RBFOX1: variants seen among roughly 807,000 people sequenced by gnomAD.
RBFOX1 encodes RNA binding protein fox-1 homolog 1.
A neutral mutation model predicts 57.7 loss-of-function variants in RBFOX1; 8 were observed. The observed-to-expected ratio is 0.14, with a 90% CI of 0.08 to 0.25. RBFOX1 has a LOEUF of 0.25. RBFOX1 is among the 10% of genes least tolerant of loss of function. The pLI is 1.00. For missense variants in RBFOX1, 611 were observed against 548.5 expected (o/e 1.11, Z -1.14); for synonymous variants, 326 against 222.4 (o/e 1.47, Z -4.15).
intron 3 of RBFOX1, among the ~76,000 whole-genome samples, chr16:6,850,432 G>A (rs1303916781): frequency 1.3e-5 from 2 of 152,086 alleles, no homozygotes; most frequent in African/African-American, 2.4e-5. Context: ...AAGCTGAGGG[G>A]TAAAGGATGA....
chr16:5,943,715 A>G (rs1276233628), intron 4 of RBFOX1, among the ~76,000 whole-genome samples: 1 of 152,228 alleles, frequency 6.6e-6, no homozygotes, highest in Non-Finnish European at 1.5e-5. Context: ...GGCTGAATGT[A>G]TCAACAGTTT....
In RBFOX1 at chr16:7,671,155, A is replaced by G. The variant is rs116770441; in HGVS notation, c.931-5619A>G. On this transcript the variant is annotated intron_variant, in intron 13 of 15. Coordinates refer to ENST00000550418, the MANE Select transcript of RBFOX1 (RefSeq NM_018723.4). The stretch of plus-strand genomic sequence containing the variant: ...CTGTGCTGTTTTCTTAACTACTTCA[A>G]TAATAAGGCATTCATCTTAAATCCT... Among the ~76,000 whole-genome samples the G allele has an allele frequency of 4.6e-3, 700 of 152,344 alleles. 4 individuals carry two copies. Among genetic ancestry groups the G allele is most frequent in the African/African-American group, 0.016 (682 of 41,584 alleles).
rs1192704391 is a variant in RBFOX1 at position 5,956,793 on chromosome 16, C to G, written c.351+89458C>G. On this transcript the variant is annotated intron_variant, in intron 4 of 19. Coordinates refer to the RBFOX1 transcript ENST00000641259. ...CAGATGATCTTTCCACCTCAACTTC[C>G]TGTGTATATGGGATTACAAGCATGC... is the stretch of plus-strand genomic sequence containing the variant. Among the ~76,000 whole-genome samples the G allele has an allele frequency of 2.0e-5, 3 of 150,242 alleles. 1 individual carries two copies. The highest frequency in any genetic ancestry group is 4.4e-5 in the Non-Finnish European group (3 of 67,600).
chr16:7,010,411 A>G (rs533768270), intron 3 of RBFOX1, among the ~76,000 whole-genome samples: 1 of 152,206 alleles, frequency 6.6e-6, no homozygotes, highest in East Asian at 1.9e-4. Flanking sequence ...TGATTATTAT[A>G]TGCATTGGCC....
chr16:7,128,503 AT>A (rs1171842927), intron 4 of RBFOX1, among the ~76,000 whole-genome samples: 1 of 152,194 alleles, frequency 6.6e-6, no homozygotes, highest in African/African-American at 2.4e-5. Context: ...TGTCTCTGAT[AT>A]CCCCAGCAAG....
chr16:7,040,987 C>T (rs1047882512), intron 3 of RBFOX1, among the ~76,000 whole-genome samples: 2 of 151,210 alleles, frequency 1.3e-5, no homozygotes, highest in African/African-American at 2.4e-5. Flanking sequence ...GCAATCTCTG[C>T]TCATTGCAAC....
chr16:6,617,599 G>A (rs1489651591), intron 2 of RBFOX1, among the ~76,000 whole-genome samples: 1 of 152,080 alleles, frequency 6.6e-6, no homozygotes, highest in African/African-American at 2.4e-5. Context: ...ACATGTGGGG[G>A]TTCCAAAGAT....
intron 3 of RBFOX1, among the ~76,000 whole-genome samples, chr16:6,949,263 C>G (rs935871471): frequency 6.6e-6 from 1 of 152,094 alleles, no homozygotes; most frequent in Non-Finnish European, 1.5e-5. Flanking sequence ...GAAACAGGCT[C>G]AATTTCACAA....
chr16:7,685,366 C>G (rs554607926), intron 14 of RBFOX1, among the ~76,000 whole-genome samples: 2 of 152,240 alleles, frequency 1.3e-5, no homozygotes, highest in African/African-American at 4.8e-5. Context: ...TCTCCTGGCC[C>G]AGGGCCACAA....
chr16:7,701,348 C>G (rs544357237), intron 14 of RBFOX1, among the ~76,000 whole-genome samples: 9 of 152,304 alleles, frequency 5.9e-5, no homozygotes, highest in African/African-American at 1.7e-4. Context: ...GCCGCCCCCT[C>G]TCACTCACAT....
rs112560184 is a variant in RBFOX1, at chr16:6,424,997, T to C, written c.-64+107940T>C. On this transcript the variant is annotated intron_variant, in intron 2 of 15. Coordinates refer to ENST00000550418, the MANE Select transcript of RBFOX1 (RefSeq NM_018723.4). ...AGGAAAAAATACTCTACAATATTAT[T>C]ATTACTTGGATATTGAAGATGTGGA... is the stretch of plus-strand genomic sequence containing the variant. Among the ~76,000 whole-genome samples the C allele has an allele frequency of 1.1e-3, 169 of 152,356 alleles. 1 individual carries two copies. Among genetic ancestry groups the C allele is most frequent in the African/African-American group, 3.8e-3 (160 of 41,588 alleles).
chr16:5,371,380 C>A (rs943796521), intron 1 of RBFOX1, among the ~76,000 whole-genome samples: 1 of 152,190 alleles, frequency 6.6e-6, no homozygotes, highest in Non-Finnish European at 1.5e-5. Context: ...CCGGAGAAGA[C>A]CCTGGGAGGA....
chr16:5,624,987 C>T (rs1255960736), intron 3 of RBFOX1, among the ~76,000 whole-genome samples: 1 of 152,198 alleles, frequency 6.6e-6, no homozygotes, highest in Non-Finnish European at 1.5e-5. Flanking sequence ...TTGAGGGTGA[C>T]TCTCGGGCCA....
chr16:5,881,278 A>C lies in RBFOX1; in HGVS notation c.351+13943A>C, dbSNP rs13330400. ...CTCAAATTATGTTTGATTTTGTTGC[A>C]TGTATTCACTTGGTCTCTACCACCT... On this transcript the variant is annotated intron_variant, in intron 4 of 19. Transcript: ENST00000641259. Among the ~76,000 whole-genome samples, 701 of 152,292 alleles carry C rather than the reference A, an allele frequency of 4.6e-3. 6 individuals are homozygous for C. The highest frequency in any genetic ancestry group is 0.017 in the African/African-American group (686 of 41,564).
chr16:7,647,001 C>A (rs1451799371), intron 11 of RBFOX1, among the ~76,000 whole-genome samples: 3 of 152,124 alleles, frequency 2.0e-5, no homozygotes, highest in East Asian at 3.9e-4. Context: ...TAGTAAATGG[C>A]CCATTTGGCT....
chr16:7,033,442 C>T (rs11648897), intron 3 of RBFOX1, among the ~76,000 whole-genome samples: 8,106 of 152,178 alleles, frequency 0.053, 382 homozygotes, highest in East Asian at 0.2. Flanking sequence ...TTCGCTTGAT[C>T]CCGGGAGGCG....
chr16:5,346,351 A>G (rs1264447462), intron 1 of RBFOX1, among the ~76,000 whole-genome samples: 6 of 152,186 alleles, frequency 3.9e-5, no homozygotes, highest in South Asian at 4.1e-4. Context: ...TTAAATCATC[A>G]TCGTCATTAC....
chr16:7,021,700 T>C (rs1488549962), intron 3 of RBFOX1, among the ~76,000 whole-genome samples: 1 of 150,282 alleles, frequency 6.7e-6, no homozygotes, highest in Non-Finnish European at 1.5e-5. Flanking sequence ...GTGTCCATCA[T>C]AGTATTTACC....
At chr16:7,705,908 G>C (rs148350595) in intron 14 of RBFOX1, among the ~76,000 whole-genome samples, 1 of 152,194 alleles carries the variant, frequency 6.6e-6, no homozygotes, top group African/African-American at 2.4e-5. Context: ...AGATCATCAT[G>C]ATCTGACTGC....
Sources: allele counts gnomAD v4.1 joint callset (sites outside exome capture counted in the v4.1 genomes callset), GRCh38; gene constraint gnomAD v4.1.1; transcripts MANE v1.5; gene names NCBI Gene and HGNC (gene_info 2026-07-23, HGNC 2026-07-21).